FTO: variants seen among roughly 807,000 people sequenced by gnomAD.
FTO encodes the protein alpha-ketoglutarate-dependent dioxygenase FTO.
In FTO, 47 loss-of-function variants were observed where a neutral mutation model predicts 63.9. That is an observed-to-expected ratio of 0.74 (90% CI 0.58 to 0.94). FTO has a LOEUF of 0.94. FTO is among the 40% of genes least tolerant of loss of function. FTO has a pLI of 0.00. For missense variants in FTO, 562 were observed against 618.1 expected, an observed-to-expected ratio of 0.91 and a Z score of 0.96; for synonymous variants, 207 against 224.4, an observed-to-expected ratio of 0.92 and a Z score of 0.69.
At chr16:53,855,031 TA>T (rs2079942267) in intron 4 of FTO, among the ~76,000 whole-genome samples, 1 of 128,112 alleles carries the variant, frequency 7.8e-6, no homozygotes. Context: ...GGTACTTTAT[TA>T]TTATTATTTT....
intron 8 of FTO, among the ~76,000 whole-genome samples, chr16:53,941,917 C>T (rs893012449): frequency 6.6e-6 from 1 of 152,194 alleles, no homozygotes; most frequent in Non-Finnish European, 1.5e-5. Flanking sequence ...GAATAATGCC[C>T]TCTATCAAAG....
intron 8 of FTO, among the ~76,000 whole-genome samples, chr16:54,001,639 A>C (rs2084069680): frequency 6.6e-6 from 1 of 152,148 alleles, no homozygotes; most frequent in Non-Finnish European, 1.5e-5. Context: ...TTCTCTAATG[A>C]TTTTAGAACC....
intron 8 of FTO, among the ~76,000 whole-genome samples, chr16:54,080,305 C>T (rs967515): frequency 0.1 from 15,468 of 152,184 alleles, 849 homozygotes; most frequent in East Asian, 0.23. Flanking sequence ...AGCTTGCAGA[C>T]ACCAAGCTCC....
chr16:53,884,320 A>G (rs561435310), intron 6 of FTO, among the ~76,000 whole-genome samples: 3 of 152,328 alleles, frequency 2.0e-5, no homozygotes, highest in South Asian at 4.1e-4. Flanking sequence ...TTCTCTTAGT[A>G]AATGTCCCCT....
intron 1 of FTO, among the ~76,000 whole-genome samples, chr16:53,748,172 T>C (rs933537631): frequency 4.6e-5 from 7 of 152,224 alleles, no homozygotes; most frequent in African/African-American, 1.4e-4. Flanking sequence ...ATATGAATTT[T>C]AGGATTATAT....
chr16:53,729,964 CTT>C (rs2076236568), intron 1 of FTO, among the ~76,000 whole-genome samples: 1 of 152,190 alleles, frequency 6.6e-6, no homozygotes. Context: ...TTATTCCTCT[CTT>C]GTAATTGCAA....
intron 1 of FTO, among the ~76,000 whole-genome samples, chr16:53,792,476 T>G (rs562898317): frequency 1.8e-4 from 28 of 152,340 alleles, no homozygotes; most frequent in African/African-American, 6.7e-4. Context: ...AGGTCACTTA[T>G]AGTGACTTTA....
intron 1 of FTO, among the ~76,000 whole-genome samples, chr16:53,744,149 T>C (rs1433929409): frequency 1.3e-5 from 2 of 152,154 alleles, no homozygotes; most frequent in Non-Finnish European, 2.9e-5. Context: ...TTCTCTTGCC[T>C]ACAAATGCAG....
chr16:53,989,449 C>T (rs1429815168), intron 8 of FTO, among the ~76,000 whole-genome samples: 2 of 152,052 alleles, frequency 1.3e-5, no homozygotes, highest in Admixed American at 6.5e-5. Flanking sequence ...GGGTCTCGAA[C>T]CCAGTAGGAT....
intron 1 of FTO, among the ~76,000 whole-genome samples, chr16:53,805,527 A>C (rs998745781): frequency 6.7e-6 from 1 of 149,544 alleles, no homozygotes; most frequent in African/African-American, 2.5e-5. Context: ...GGCTCACTGC[A>C]ACCTCTGCCT....
intron 7 of FTO, among the ~76,000 whole-genome samples, chr16:53,926,867 A>T (rs12933343): frequency 1.3e-5 from 2 of 151,644 alleles, no homozygotes; most frequent in Non-Finnish European, 1.5e-5. Context: ...AAAAAAAATC[A>T]TTTTTTGTGT....
intron 4 of FTO, among the ~76,000 whole-genome samples, chr16:53,857,201 C>T (rs1479038586): frequency 6.6e-6 from 1 of 152,020 alleles, no homozygotes; most frequent in Non-Finnish European, 1.5e-5. Context: ...AAGCGTAGTA[C>T]CTGATAGATA....
chr16:53,994,499 A>G (rs184351758), intron 8 of FTO: 42 of 151,966 alleles, frequency 2.8e-4, no homozygotes, highest in African/African-American at 9.9e-4. Context: ...TAGCTGGGAT[A>G]CAGGAACGCA....
At chr16:53,788,590 T>A (rs7190396) in intron 1 of FTO, among the ~76,000 whole-genome samples, 1 of 141,498 alleles carries the variant, frequency 7.1e-6, no homozygotes, top group South Asian at 2.3e-4. Context: ...GCGACAGAGC[T>A]AGACTCTGTC....
intron 8 of FTO, chr16:54,070,838 C>T (rs559680901): frequency 2.6e-5 from 4 of 152,300 alleles, no homozygotes; most frequent in African/African-American, 9.6e-5. Context: ...GACTCAAACT[C>T]GGCAAGAGGG....
At chr16:53,878,269 C>T (rs993495767) in intron 5 of FTO, among the ~76,000 whole-genome samples, 1 of 152,048 alleles carries the variant, frequency 6.6e-6, no homozygotes, top group African/African-American at 2.4e-5. Flanking sequence ...CGCCACTGTA[C>T]TCTGGTCTGG....
intron 1 of FTO, among the ~76,000 whole-genome samples, chr16:53,776,775 G>A (rs1397078895): frequency 6.6e-6 from 1 of 151,890 alleles, no homozygotes; most frequent in Non-Finnish European, 1.5e-5. Flanking sequence ...TTGTTTAGTT[G>A]TTGAAATATG....
At chr16:54,029,338 G>A (rs373622056) in intron 8 of FTO, among the ~76,000 whole-genome samples, 113 of 152,328 alleles carry the variant, frequency 7.4e-4, no homozygotes, top group Non-Finnish European at 1.0e-3. Context: ...TATGTAAGGC[G>A]TTCCAGGCAG....
At chr16:54,015,242 G>A (rs962361072) in intron 8 of FTO, among the ~76,000 whole-genome samples, 2 of 152,104 alleles carry the variant, frequency 1.3e-5, no homozygotes, top group East Asian at 1.9e-4. Context: ...AGCTATTTAT[G>A]TATTACAAAA....
Sources: allele counts gnomAD v4.1 joint callset (sites outside exome capture counted in the v4.1 genomes callset), GRCh38; gene constraint gnomAD v4.1.1; transcripts MANE v1.5; gene names NCBI Gene and HGNC (gene_info 2026-07-23, HGNC 2026-07-21).